Variants in MALRD1 observed in about 807,000 individuals in gnomAD.
The protein encoded by MALRD1 is MAM and LDL-receptor class A domain-containing protein 1.
A neutral mutation model predicts 242.1 loss-of-function variants in MALRD1; 247 were observed. The ratio of observed to expected loss-of-function variants is 1.02; its 90% CI spans 0.92 to 1.13. The LOEUF is 1.13. MALRD1 is among the 50% of genes most tolerant of loss of function. MALRD1 has a pLI of 0.00. For synonymous variants in MALRD1, 995 were observed against 866.6 expected (o/e 1.15, Z -2.60); for missense variants, 2,989 against 2,533.1 (o/e 1.18, Z -3.86).
chr10:19,279,942 T>C lies in MALRD1; in HGVS notation c.3080-105T>C, dbSNP rs918546085. 4.4e-6 allele frequency: 4 copies of C among 916,094 alleles called. No individual in the cohort carries two copies. In the African/African-American group the frequency reaches 5.1e-5, roughly 12 times the overall value. The allele number at this position is 916,094 out of a possible 1,614,324, so 56.7% of individuals were successfully genotyped here. A position where few individuals can be genotyped will look rare whatever the true frequency, so the allele number is the denominator to read the frequency against. On this transcript the variant is annotated intron_variant, in intron 19 of 39. Transcript: ENST00000454679. ...AGCTGATACTACCCACTGTTCTCTA[T>C]GATATTGTGGGGCATATTTAGAAAG...
Position 19,125,290 on chromosome 10 carries a change from TTTCCTTCCTTCCTTCCTTCCTTCC to T in MALRD1, c.943+632_943+655del, listed in dbSNP as rs202203495. ...TTCTCTTTCTTTCTTTCTTTCTTTCTTTCCTTCCTTCCTTCCTTCCTTCCTTCCTTCCTTCTTTCTTTCTTTCTT... is the reference window on the plus strand; with the variant it reads ...TTCTCTTTCTTTCTTTCTTTCTTTCTTTCCTTCCTTCTTTCTTTCTTTCTT... On this transcript the variant is annotated intron_variant, in intron 7 of 39. Transcript: ENST00000454679. Among the ~76,000 whole-genome samples, 3 of 69,128 alleles carry T rather than the reference TTTCCTTCCTTCCTTCCTTCCTTCC, an allele frequency of 4.3e-5. 1 individual carries two copies. The highest frequency in any genetic ancestry group is 2.1e-4 in the African/African-American group (3 of 14,460). 45.4% of individuals were successfully genotyped at this position (69,128 alleles called of 152,430 possible). A position where few individuals can be genotyped will look rare whatever the true frequency, so the allele number is the denominator to read the frequency against.
At chr10:19,661,632 T>C (rs570097840) in intron 36 of MALRD1, among the ~76,000 whole-genome samples, 9 of 151,974 alleles carry the variant, frequency 5.9e-5, no homozygotes, top group African/African-American at 2.2e-4. Flanking sequence ...CTGGGGCCTG[T>C]TGAGGGATAG....
chr10:19,715,174 C>G (rs527433720), intron 38 of MALRD1, among the ~76,000 whole-genome samples: 5 of 152,026 alleles, frequency 3.3e-5, no homozygotes, highest in Non-Finnish European at 7.4e-5. Flanking sequence ...CCTATACTGA[C>G]CATTCTCAAA....
intron 25 of MALRD1, among the ~76,000 whole-genome samples, chr10:19,349,898 T>C (rs1844298151): frequency 6.6e-6 from 1 of 152,160 alleles, no homozygotes; most frequent in Non-Finnish European, 1.5e-5. Flanking sequence ...TATATTCCCC[T>C]GGTCCCAGAA....
intron 36 of MALRD1, among the ~76,000 whole-genome samples, chr10:19,627,759 T>TAAA (rs553942713): frequency 2.8e-4 from 16 of 56,180 alleles, no homozygotes; most frequent in African/African-American, 8.3e-4. Flanking sequence ...CAAGACTGTC[T>TAAA]AAAAAAAAAA....
At chr10:19,049,595 T>C (rs920384378) in intron 1 of MALRD1, among the ~76,000 whole-genome samples, 6 of 152,162 alleles carry the variant, frequency 3.9e-5, no homozygotes, top group African/African-American at 1.2e-4. Flanking sequence ...TTGGTACCAA[T>C]TGCATGTGGG....
intron 36 of MALRD1, among the ~76,000 whole-genome samples, chr10:19,674,149 G>T (rs937477059): frequency 6.6e-6 from 1 of 152,066 alleles, no homozygotes; most frequent in Non-Finnish European, 1.5e-5. Flanking sequence ...ATCTGTCACC[G>T]GAAAGAGCAA....
chr10:19,410,679 CT>C lies in MALRD1; in HGVS notation c.4845+21084del, dbSNP rs58147034. On this transcript the variant is annotated intron_variant, in intron 28 of 39. Coordinates refer to ENST00000454679, the MANE Select transcript of MALRD1 (RefSeq NM_001142308.3). ...CCCTCCATCCATTCTTCCTTCCTTC[CT>C]TTTTTTTTTTTTTATCTTTATCAAG... 4.3e-3 allele frequency among the ~76,000 whole-genome samples: 569 copies of C among 132,876 alleles called. 2 individuals carry two copies. Among genetic ancestry groups the C allele is most frequent in the African/African-American group, 0.012 (420 of 35,950 alleles). The allele number at this position is 132,876 out of a possible 152,430, so 87.2% of individuals were successfully genotyped here.
chr10:19,103,299 A>C (rs1836335158), intron 4 of MALRD1, among the ~76,000 whole-genome samples: 3 of 152,040 alleles, frequency 2.0e-5, no homozygotes, highest in South Asian at 2.1e-4. Flanking sequence ...CGGTGGCTCA[A>C]GCCTGTAATC....
At chr10:19,134,252 A>G (rs1833238558) in intron 9 of MALRD1, among the ~76,000 whole-genome samples, 3 of 152,214 alleles carry the variant, frequency 2.0e-5, no homozygotes, top group Admixed American at 2.0e-4. Context: ...ATTATGAAGT[A>G]GGTAAATAGT....
intron 10 of MALRD1, among the ~76,000 whole-genome samples, chr10:19,143,237 G>A (rs1387162313): frequency 6.6e-6 from 1 of 152,198 alleles, no homozygotes; most frequent in East Asian, 1.9e-4. Flanking sequence ...AATCAAAAGT[G>A]GCTTTTATCT....
intron 11 of MALRD1, among the ~76,000 whole-genome samples, chr10:19,147,990 G>C (rs1238149822): frequency 3.9e-5 from 6 of 152,120 alleles, no homozygotes; most frequent in Admixed American, 2.0e-4. Context: ...AGGAGAGGAA[G>C]GAAGGGGACT....
At chr10:19,114,710 T>A (rs1206796286) in intron 5 of MALRD1, among the ~76,000 whole-genome samples, 1 of 152,200 alleles carries the variant, frequency 6.6e-6, no homozygotes, top group Non-Finnish European at 1.5e-5. Context: ...TCAGGGCTAG[T>A]ATATTAGTCT....
chr10:19,644,642 A>G (rs1840566718), intron 36 of MALRD1, among the ~76,000 whole-genome samples: 1 of 152,232 alleles, frequency 6.6e-6, no homozygotes, highest in South Asian at 2.1e-4. Context: ...AAAATGTGTT[A>G]GTAGATAATA....
At chr10:19,346,631 T>G (rs1358999854) in intron 24 of MALRD1, among the ~76,000 whole-genome samples, 2 of 152,122 alleles carry the variant, frequency 1.3e-5, no homozygotes, top group African/African-American at 4.8e-5. Context: ...TTGTTACTTA[T>G]CAAATTACTC....
chr10:19,120,775 G>A (rs113393580), intron 5 of MALRD1, among the ~76,000 whole-genome samples: 11,074 of 152,146 alleles, frequency 0.073, 480 homozygotes, highest in South Asian at 0.13. Flanking sequence ...GCAGAGTTTC[G>A]CTCTTGTTGC....
intron 28 of MALRD1, among the ~76,000 whole-genome samples, chr10:19,410,772 A>T (rs981548860): frequency 6.6e-6 from 1 of 151,376 alleles, no homozygotes; most frequent in East Asian, 1.9e-4. Flanking sequence ...CAAATACATG[A>T]TTAACTAATA....
intron 28 of MALRD1, among the ~76,000 whole-genome samples, chr10:19,424,356 C>T (rs112988875): frequency 0.061 from 9,320 of 152,136 alleles, 858 homozygotes; most frequent in African/African-American, 0.2. Flanking sequence ...GATGGGGTTT[C>T]GCCATGTTGG....
chr10:19,464,169 G>C (rs1182817564), intron 29 of MALRD1, among the ~76,000 whole-genome samples: 2 of 152,156 alleles, frequency 1.3e-5, no homozygotes, highest in South Asian at 2.1e-4. Context: ...TAGGTTGTCT[G>C]TTTACTCTGC....
Sources: allele counts gnomAD v4.1 joint callset (sites outside exome capture counted in the v4.1 genomes callset), GRCh38; gene constraint gnomAD v4.1.1; transcripts MANE v1.5; gene names NCBI Gene and HGNC (gene_info 2026-07-23, HGNC 2026-07-21).